Variants in GPR176 observed in about 807,000 individuals in gnomAD.
The protein encoded by GPR176 is G protein-coupled receptor 176, also known as G-protein coupled receptor 176.
Under a neutral mutation model 35.4 loss-of-function variants are expected in GPR176, and 26 were observed. The observed-to-expected ratio is 0.74, with a 90% CI of 0.54 to 1.02. The LOEUF (loss-of-function observed/expected upper bound fraction) is 1.02. Among genes scored for constraint, GPR176 ranks in the 50% least tolerant of loss-of-function variants. The probability of loss-of-function intolerance (pLI) is 0.00; values close to 1 mark genes in which losing one functional copy is unlikely to be tolerated. For missense variants in GPR176, 597 were observed against 665.3 expected (o/e 0.90, Z 1.13); for synonymous variants, 278 against 271.3 (o/e 1.02, Z -0.24).
intron 1 of GPR176, among the ~76,000 whole-genome samples, chr15:39,871,905 G>C (rs1005427291): frequency 6.6e-6 from 1 of 152,192 alleles, no homozygotes. Context: ...TCCCTACTGA[G>C]TGACCTAAAA....
In GPR176 at chr15:39,801,663, G is replaced by A. The variant is rs1402303407; in HGVS notation, c.1017C>T (p.His339=). 6.2e-7 allele frequency: 1 copy of A among 1,613,916 alleles called. No individual in the cohort carries two copies. The highest frequency in any genetic ancestry group is 8.5e-7 in the Non-Finnish European group (1 of 1,179,804). The part of the protein sequence containing the change: ...KCLIGTLVQL[H]HRYSRRNVVS... ...CCACATTACGGCGACTGTACCGGTG[G>A]TGTAGTTGCACCAGGGTCCCTATCA... Residue 339 remains histidine (H), a synonymous_variant, in exon 3 of 3, where the codon CAC becomes CAT. Transcript: ENST00000561100.
chr15:39,880,831 C>T (rs2032445635), intron 1 of GPR176, among the ~76,000 whole-genome samples: 1 of 152,202 alleles, frequency 6.6e-6, no homozygotes, highest in Non-Finnish European at 1.5e-5. Flanking sequence ...CATGCCCTTG[C>T]CTAAGTCCTC....
chr15:39,802,186 T>C lies in GPR176; in HGVS notation c.494A>G (p.Tyr165Cys), dbSNP rs544265017. Residue 165 changes from tyrosine to cysteine, a missense_variant, in exon 3 of 3, where the codon TAC (tyrosine) becomes TGC (cysteine). This residue lies in a region of GPR176 where 220 missense variants were observed against 297.6 expected (regional missense o/e 0.74). Coordinates refer to ENST00000561100, the MANE Select transcript of GPR176 (RefSeq NM_007223.3). Reference sequence around the variant, plus strand: ...GGCCACCACTGCATGGGCCCAGATGTACATCACCAGTTCACGGGACTTGGC... The same window carrying C: ...GGCCACCACTGCATGGGCCCAGATGCACATCACCAGTTCACGGGACTTGGC... The part of the protein sequence containing the change: ...SDAKSRELVM[Y>C]IWAHAVVASV... The C allele has an allele frequency of 1.2e-6, 2 of 1,614,058 alleles. No individual in the cohort carries two copies. The highest frequency in any genetic ancestry group is 2.2e-5 in the East Asian group (1 of 44,876).
chr15:39,838,825 C>G (rs567664668), intron 1 of GPR176, among the ~76,000 whole-genome samples: 35 of 152,252 alleles, frequency 2.3e-4, no homozygotes, highest in African/African-American at 7.7e-4. Context: ...GTTGGAAGTT[C>G]TGGCCAGGGC....
intron 1 of GPR176, among the ~76,000 whole-genome samples, chr15:39,862,622 A>C (rs1198007918): frequency 1.3e-5 from 2 of 152,238 alleles, no homozygotes; most frequent in Non-Finnish European, 2.9e-5. Flanking sequence ...TCTATCACCT[A>C]GTGGTCTAGT....
intron 1 of GPR176, among the ~76,000 whole-genome samples, chr15:39,808,889 T>C (rs755465189): frequency 2.0e-5 from 3 of 152,176 alleles, no homozygotes; most frequent in Non-Finnish European, 2.9e-5. Flanking sequence ...ATATACTGAA[T>C]CACAGTGCAT....
At chr15:39,907,851 G>T (rs2033467311) in intron 1 of GPR176, among the ~76,000 whole-genome samples, 1 of 152,102 alleles carries the variant, frequency 6.6e-6, no homozygotes, top group South Asian at 2.1e-4. Flanking sequence ...CGGGCATGGT[G>T]GCGTATGCCT....
At chr15:39,859,421 TA>T (rs1265220890) in intron 1 of GPR176, among the ~76,000 whole-genome samples, 3 of 150,240 alleles carry the variant, frequency 2.0e-5, no homozygotes, top group Non-Finnish European at 4.4e-5. Context: ...CCAACACCAC[TA>T]ATCATCAGAG....
chr15:39,833,757 T>C (rs1056439353), intron 1 of GPR176, among the ~76,000 whole-genome samples: 2 of 152,194 alleles, frequency 1.3e-5, no homozygotes, highest in African/African-American at 4.8e-5. Context: ...TTTATTTAAT[T>C]ACACTTCCCT....
intron 1 of GPR176, among the ~76,000 whole-genome samples, chr15:39,842,634 G>A (rs1033987599): frequency 6.6e-6 from 1 of 152,028 alleles, no homozygotes; most frequent in Non-Finnish European, 1.5e-5. Context: ...GAGACACAGT[G>A]AAAAGACATT....
chr15:39,911,313 A>G (rs1182144322), intron 1 of GPR176, among the ~76,000 whole-genome samples: 3 of 152,240 alleles, frequency 2.0e-5, no homozygotes, highest in African/African-American at 7.2e-5. Flanking sequence ...TCCAAAACTG[A>G]TAATAAACCA....
At chr15:39,908,541 G>A (rs1183266920) in intron 1 of GPR176, among the ~76,000 whole-genome samples, 1 of 150,958 alleles carries the variant, frequency 6.6e-6, no homozygotes, top group Admixed American at 6.7e-5. Context: ...AAGCAATAAA[G>A]GAGATTTTCT....
In GPR176 at chr15:39,880,167, T is replaced by C. The variant is rs186316699; in HGVS notation, c.172+39688A>G. ...TTCACTCTCTCACCTTCCACTCACT[T>C]CCAAAAGTACAGCAATGGACCCCCA... On this transcript the variant is annotated intron_variant, in intron 1 of 2. Transcript: ENST00000561100. Among the ~76,000 whole-genome samples the C allele has an allele frequency of 2.0e-5, 3 of 152,284 alleles. No homozygotes were observed. The East Asian group carries it at 5.8e-4, about 29-fold the overall frequency.
chr15:39,908,145 A>G (rs1372193612), intron 1 of GPR176, among the ~76,000 whole-genome samples: 1 of 152,206 alleles, frequency 6.6e-6, no homozygotes, highest in African/African-American at 2.4e-5. Flanking sequence ...AACCTTTGCC[A>G]GTCCCACAGC....
intron 1 of GPR176, among the ~76,000 whole-genome samples, chr15:39,878,591 G>A (rs2032352311): frequency 6.6e-6 from 1 of 152,108 alleles, no homozygotes; most frequent in Non-Finnish European, 1.5e-5. Flanking sequence ...ACATAGGAAT[G>A]CAGTTATCTC....
intron 1 of GPR176, among the ~76,000 whole-genome samples, chr15:39,869,152 TA>T (rs66463189): frequency 0.38 from 49,288 of 129,794 alleles, 8,710 homozygotes; most frequent in Admixed American, 0.43. Context: ...AACTGCTTTT[TA>T]AAAAAAAAAA....
At chr15:39,900,035 T>C (rs759979959) in intron 1 of GPR176, among the ~76,000 whole-genome samples, 11 of 152,096 alleles carry the variant, frequency 7.2e-5, no homozygotes, top group Non-Finnish European at 1.3e-4. Context: ...AGCAATAATG[T>C]TATATAGTAT....
At chr15:39,917,014 G>C (rs1375561166) in intron 1 of GPR176, among the ~76,000 whole-genome samples, 1 of 152,170 alleles carries the variant, frequency 6.6e-6, no homozygotes, top group Non-Finnish European at 1.5e-5. Flanking sequence ...GGGCATCATG[G>C]CTCATGCCTG....
At chr15:39,809,059 G>A (rs1018819909) in intron 1 of GPR176, among the ~76,000 whole-genome samples, 1 of 152,082 alleles carries the variant, frequency 6.6e-6, no homozygotes, top group Non-Finnish European at 1.5e-5. Context: ...CCTGCTGAGG[G>A]GTTTTATTAG....
Sources: gnomAD v4.1 joint callset for allele counts (sites outside exome capture counted in the v4.1 genomes callset) on GRCh38, gnomAD v4.1.1 for gene constraint, gnomAD v4.1.1 regional missense constraint, MANE v1.5 for transcripts, NCBI Gene and HGNC (gene_info 2026-07-23, HGNC 2026-07-21) for gene names.